The following GNA14 variants were observed in gnomAD, a reference collection of about 807,000 sequenced individuals.
The protein encoded by GNA14 is G protein subunit alpha 14.
In GNA14, 50 loss-of-function variants were observed where a neutral mutation model predicts 42.0. The observed-to-expected ratio is 1.19, with a 90% CI of 0.95 to 1.51. GNA14 has a LOEUF of 1.51. Among genes scored for constraint, GNA14 ranks in the 40% most tolerant of loss-of-function variants. The pLI is 0.00. For synonymous variants in GNA14, 173 were observed against 163.1 expected, an observed-to-expected ratio of 1.06 and a Z score of -0.46; for missense variants, 473 against 446.2, an observed-to-expected ratio of 1.06 and a Z score of -0.54.
chr9:77,544,890 A>G (rs1837702230), intron 1 of GNA14, among the ~76,000 whole-genome samples: 1 of 152,182 alleles, frequency 6.6e-6, no homozygotes, highest in East Asian at 1.9e-4. Flanking sequence ...CAGGGCCGTG[A>G]TAAGACTTTG....
At chr9:77,443,180 G>T (rs1835763234) in intron 2 of GNA14, among the ~76,000 whole-genome samples, 1 of 152,244 alleles carries the variant, frequency 6.6e-6, no homozygotes, top group South Asian at 2.1e-4. Context: ...CAAACATTAT[G>T]ATCAGCAAAT....
chr9:77,556,008 GC>G (rs1216881228), intron 1 of GNA14, among the ~76,000 whole-genome samples: 1 of 152,156 alleles, frequency 6.6e-6, no homozygotes, highest in Non-Finnish European at 1.5e-5. Flanking sequence ...AGTTTGGGAG[GC>G]CGAGGTGGGC....
chr9:77,458,904 A>AGCCGG (rs55765810), intron 2 of GNA14, among the ~76,000 whole-genome samples: 1 of 134,410 alleles, frequency 7.4e-6, no homozygotes, highest in Admixed American at 7.4e-5. Flanking sequence ...CACAAGCTGG[A>AGCCGG]GGGGGGGGGG....
rs201888167 is a variant in GNA14, at chr9:77,429,076, C to T, written c.594-40G>A. ...CACAGATCCTTCAAAGGTTGGAATA[C>T]ATGACACTTCGGGGAAAAAGGACAT... On this transcript the variant is annotated intron_variant, in intron 4 of 6. Transcript: ENST00000341700. The T allele has an allele frequency of 6.9e-5, 111 of 1,604,600 alleles. 1 individual carries two copies. Among genetic ancestry groups the T allele is most frequent in the African/African-American group, 1.3e-5 (1 of 74,734 alleles).
At chr9:77,504,684 TG>T (rs1430249444) in intron 2 of GNA14, among the ~76,000 whole-genome samples, 141 of 142,762 alleles carry the variant, frequency 9.9e-4, no homozygotes, top group African/African-American at 3.6e-3. Flanking sequence ...TTTTTTTTTT[TG>T]GAGACAGAGT....
At chr9:77,505,653 A>G (rs1262266730) in intron 2 of GNA14, among the ~76,000 whole-genome samples, 3 of 152,216 alleles carry the variant, frequency 2.0e-5, no homozygotes, top group Non-Finnish European at 4.4e-5. Flanking sequence ...CTAGTCAGAA[A>G]TTTCAGAAAT....
chr9:77,560,043 G>A (rs539992455), intron 1 of GNA14, among the ~76,000 whole-genome samples: 2 of 152,250 alleles, frequency 1.3e-5, no homozygotes, highest in South Asian at 4.1e-4. Context: ...AAAAAACTAT[G>A]TGATGCCAGA....
intron 1 of GNA14, among the ~76,000 whole-genome samples, chr9:77,604,443 C>T (rs975861541): frequency 6.6e-6 from 1 of 152,198 alleles, no homozygotes; most frequent in African/African-American, 2.4e-5. Flanking sequence ...GTGTTGGTCA[C>T]GTTCCTTACA....
At chr9:77,619,458 C>T (rs1823888236) in intron 1 of GNA14, among the ~76,000 whole-genome samples, 1 of 152,156 alleles carries the variant, frequency 6.6e-6, no homozygotes, top group Non-Finnish European at 1.5e-5. Context: ...TGCTCAGCCT[C>T]CCAAAGTGCT....
At position 77,434,532 on chromosome 9, in the gene GNA14, G is replaced by A. The variant is rs1835612442; in HGVS notation, c.310-10C>T. The A allele has an allele frequency of 1.2e-6, 2 of 1,611,494 alleles. No homozygotes were observed. Among genetic ancestry groups the A allele is most frequent in the Non-Finnish European group, 1.7e-6 (2 of 1,178,602 alleles). ...TTATCTGGGCATTTTCCTACTCAAAGGAAAGAGAACCTTGCATCAGGCAAA... is the reference window on the plus strand; with the variant it reads ...TTATCTGGGCATTTTCCTACTCAAAAGAAAGAGAACCTTGCATCAGGCAAA... On this transcript the variant is annotated splice_polypyrimidine_tract_variant and intron_variant, in intron 2 of 6. Coordinates refer to ENST00000341700, the MANE Select transcript of GNA14 (RefSeq NM_004297.4).
chr9:77,499,380 A>G (rs958128847), intron 2 of GNA14, among the ~76,000 whole-genome samples: 2 of 128,618 alleles, frequency 1.6e-5, no homozygotes, highest in Admixed American at 7.3e-5. Flanking sequence ...CATAGTTTAC[A>G]AATTGCTTCA....
chr9:77,512,194 T>C (rs915342186), intron 2 of GNA14, among the ~76,000 whole-genome samples: 1 of 151,954 alleles, frequency 6.6e-6, no homozygotes, highest in Non-Finnish European at 1.5e-5. Context: ...AAACATACGA[T>C]TTATTTAACA....
chr9:77,561,177 C>G (rs1822877070), intron 1 of GNA14, among the ~76,000 whole-genome samples: 1 of 152,116 alleles, frequency 6.6e-6, no homozygotes, highest in Non-Finnish European at 1.5e-5. Flanking sequence ...TAAATTGTCC[C>G]CTCTAGACCT....
intron 1 of GNA14, among the ~76,000 whole-genome samples, chr9:77,574,465 C>A (rs995858393): frequency 1.3e-5 from 2 of 152,084 alleles, no homozygotes; most frequent in Non-Finnish European, 2.9e-5. Flanking sequence ...CTAATGATGA[C>A]CAATGGAATA....
intron 1 of GNA14, among the ~76,000 whole-genome samples, chr9:77,574,304 G>T (rs1823100004): frequency 6.6e-6 from 1 of 152,188 alleles, no homozygotes; most frequent in African/African-American, 2.4e-5. Flanking sequence ...GCAAAGTAAA[G>T]TCTAGAGAGA....
chr9:77,587,754 T>C (rs1301876596), intron 1 of GNA14, among the ~76,000 whole-genome samples: 1 of 152,198 alleles, frequency 6.6e-6, no homozygotes, highest in Non-Finnish European at 1.5e-5. Context: ...CGCTGAATTG[T>C]TTGCTTTAAA....
chr9:77,569,469 T>C (rs768947017), intron 1 of GNA14, among the ~76,000 whole-genome samples: 19 of 152,148 alleles, frequency 1.2e-4, no homozygotes, highest in Non-Finnish European at 2.1e-4. Context: ...CTACTATGTG[T>C]TGGGAACTGT....
At chr9:77,572,837 GT>G (rs1201142789) in intron 1 of GNA14, among the ~76,000 whole-genome samples, 2 of 152,146 alleles carry the variant, frequency 1.3e-5, no homozygotes, top group African/African-American at 4.8e-5. Context: ...TGGGGTTATA[GT>G]TTAATGAGTT....
chr9:77,647,823 G>A lies in GNA14; in HGVS notation c.-30C>T, dbSNP rs1824384936. On this transcript the variant is annotated 5_prime_UTR_variant, in exon 1 of 7. Transcript: ENST00000341700. Reference sequence around the variant, plus strand: ...CGCTCAGCTCAGTACCCGACGGGGCGACGCGGCCCCGGGCACCCGAATCCT... The same window carrying A: ...CGCTCAGCTCAGTACCCGACGGGGCAACGCGGCCCCGGGCACCCGAATCCT... 1.3e-6 allele frequency: 2 copies of A among 1,596,462 alleles called. No individual in the cohort carries two copies. The highest frequency in any genetic ancestry group is 8.5e-7 in the Non-Finnish European group (1 of 1,174,764).
Sources: gnomAD v4.1 joint callset for allele counts (sites outside exome capture counted in the v4.1 genomes callset) on GRCh38, gnomAD v4.1.1 for gene constraint, MANE v1.5 for transcripts, NCBI Gene and HGNC (gene_info 2026-07-23, HGNC 2026-07-21) for gene names.